ADAMTSL1: variants seen among roughly 807,000 people sequenced by gnomAD.
ADAMTSL1 encodes ADAMTS like 1.
In ADAMTSL1, 126 loss-of-function variants were observed where a neutral mutation model predicts 201.8. That is an observed-to-expected ratio of 0.62 (90% confidence interval 0.54 to 0.72). The LOEUF is 0.72. ADAMTSL1 is among the 30% of genes least tolerant of loss of function. The probability of loss-of-function intolerance (pLI) is 0.00; values close to 1 mark genes in which losing one functional copy is unlikely to be tolerated. For missense variants in ADAMTSL1, 2,679 were observed against 2,277.8 expected, an observed-to-expected ratio of 1.18 and a Z score of -3.59; for synonymous variants, 1,121 against 903.4, an observed-to-expected ratio of 1.24 and a Z score of -4.32.
At chr9:18,313,297 G>A (rs929254658) in intron 2 of ADAMTSL1, among the ~76,000 whole-genome samples, 1 of 152,202 alleles carries the variant, frequency 6.6e-6, no homozygotes. Flanking sequence ...TTCAGGGGAA[G>A]AGTCCTTAGG....
intron 13 of ADAMTSL1, among the ~76,000 whole-genome samples, chr9:18,686,675 G>A (rs569107140): frequency 2.7e-4 from 41 of 152,254 alleles, no homozygotes; most frequent in African/African-American, 8.7e-4. Context: ...GGACTAAAGC[G>A]TAATCCTATG....
At chr9:18,048,157 G>A (rs1358425656) in intron 1 of ADAMTSL1, among the ~76,000 whole-genome samples, 1 of 152,142 alleles carries the variant, frequency 6.6e-6, no homozygotes, top group Non-Finnish European at 1.5e-5. Flanking sequence ...ATTGTGTCAT[G>A]GTATGTACTA....
intron 1 of ADAMTSL1, among the ~76,000 whole-genome samples, chr9:17,926,205 C>G (rs888113918): frequency 1.3e-5 from 2 of 152,274 alleles, no homozygotes; most frequent in African/African-American, 4.8e-5. Context: ...TTTCAGACAT[C>G]ACCTGCAGAG....
intron 1 of ADAMTSL1, among the ~76,000 whole-genome samples, chr9:18,147,232 T>G (rs1826684404): frequency 1.3e-5 from 2 of 152,140 alleles, no homozygotes; most frequent in African/African-American, 4.8e-5. Context: ...TGATTCTAGC[T>G]ATAGAAAACC....
intron 23 of ADAMTSL1, among the ~76,000 whole-genome samples, chr9:18,848,072 T>C (rs1296373154): frequency 1.3e-5 from 2 of 152,218 alleles, no homozygotes; most frequent in African/African-American, 4.8e-5. Context: ...CAAGCCGATA[T>C]TGCTGATTTA....
At chr9:18,290,367 C>G (rs1261255303) in intron 2 of ADAMTSL1, among the ~76,000 whole-genome samples, 1 of 151,288 alleles carries the variant, frequency 6.6e-6, no homozygotes, top group South Asian at 2.1e-4. Context: ...AGTGAGGAGA[C>G]GTGTATTCCC....
intron 2 of ADAMTSL1, among the ~76,000 whole-genome samples, chr9:18,368,803 A>G (rs958302721): frequency 1.3e-5 from 2 of 152,192 alleles, no homozygotes; most frequent in Non-Finnish European, 2.9e-5. Context: ...TTTACTGCAG[A>G]TATGTAAAAA....
Position 18,504,974 on chromosome 9 carries a change from T to C in ADAMTSL1, c.191+18T>C. 6.3e-7 allele frequency: 1 copy of C among 1,593,784 alleles called. No homozygotes were observed. The highest frequency in any genetic ancestry group is 8.5e-7 in the Non-Finnish European group (1 of 1,175,986). The stretch of plus-strand genomic sequence containing the variant: ...AGCAGCAAGTAAGTCCTGCACCCGT[T>C]GGGGGTCTTTGTGAGAACCAGAGGT... On this transcript the variant is annotated intron_variant, in intron 2 of 28. Transcript: ENST00000380548.
At chr9:18,591,309 C>A (rs1823899312) in intron 4 of ADAMTSL1, among the ~76,000 whole-genome samples, 1 of 152,004 alleles carries the variant, frequency 6.6e-6, no homozygotes, top group African/African-American at 2.4e-5. Context: ...GACTTAAAGT[C>A]TCTTTTATAT....
chr9:18,498,174 A>G (rs1454061338), intron 1 of ADAMTSL1, among the ~76,000 whole-genome samples: 1 of 152,098 alleles, frequency 6.6e-6, no homozygotes, highest in African/African-American at 2.4e-5. Context: ...TTTACTAGAT[A>G]TTAACTATGT....
At chr9:18,534,684 G>A (rs1055326265) in intron 3 of ADAMTSL1, among the ~76,000 whole-genome samples, 2 of 152,186 alleles carry the variant, frequency 1.3e-5, no homozygotes, top group Admixed American at 6.5e-5. Context: ...GGACATCCAG[G>A]CATTTTCATA....
At chr9:18,591,755 G>A (rs1016628753) in intron 4 of ADAMTSL1, among the ~76,000 whole-genome samples, 9 of 152,058 alleles carry the variant, frequency 5.9e-5, no homozygotes, top group Non-Finnish European at 1.0e-4. Flanking sequence ...GTACATTTTG[G>A]CCAATGAGAA....
chr9:18,833,852 A>C (rs902465683), intron 23 of ADAMTSL1, among the ~76,000 whole-genome samples: 2 of 152,072 alleles, frequency 1.3e-5, no homozygotes, highest in Non-Finnish European at 2.9e-5. Flanking sequence ...ATCCATCTTG[A>C]GTTAATTTTT....
At chr9:18,415,224 G>A (rs534948319) in intron 2 of ADAMTSL1, among the ~76,000 whole-genome samples, 4 of 152,212 alleles carry the variant, frequency 2.6e-5, no homozygotes, top group South Asian at 2.1e-4. Flanking sequence ...TAAAAAAGGA[G>A]CAAAATCAAC....
At chr9:18,563,462 G>A (rs943889981) in intron 3 of ADAMTSL1, among the ~76,000 whole-genome samples, 1 of 152,206 alleles carries the variant, frequency 6.6e-6, no homozygotes, top group Non-Finnish European at 1.5e-5. Flanking sequence ...CTGCTGGAAG[G>A]TGTCTCTCAG....
Position 18,826,423 on chromosome 9 carries a change from T to C in ADAMTSL1, c.4074T>C (p.Leu1358=). The change falls in exon 22 of 29, where the codon CTT becomes CTC. Residue 1358 remains leucine, a synonymous_variant. Transcript: ENST00000380548. ...TGTACTCCTGCAGGGCGGCCAATCT[T>C]CATGGAGAGCTGACTGAGAGCACCC... ...QGLYSCRAAN[L]HGELTESTQL... The C allele has an allele frequency of 6.2e-7, 1 of 1,613,858 alleles. No individual in the cohort carries two copies. Among genetic ancestry groups the C allele is most frequent in the Non-Finnish European group, 8.5e-7 (1 of 1,179,844 alleles).
chr9:18,508,494 G>T (rs1250529020), intron 2 of ADAMTSL1, among the ~76,000 whole-genome samples: 1 of 152,128 alleles, frequency 6.6e-6, no homozygotes, highest in Non-Finnish European at 1.5e-5. Context: ...AAGTGTAGTT[G>T]TCTTCATTAT....
At position 18,908,784 on chromosome 9, in the gene ADAMTSL1, T is replaced by C; in HGVS notation, c.*236T>C. 2 of 440,652 alleles carry C rather than the reference T, an allele frequency of 4.5e-6. No homozygotes were observed. The highest frequency in any genetic ancestry group is 6.3e-4 in the Middle Eastern group (1 of 1,584). The allele number at this position is 440,652 out of a possible 1,614,324, so 27.3% of individuals were successfully genotyped here. ...GGAAAGGACAGATGTCTAAAGGAGG[T>C]TGCAGAGCAGGCCAGGCAGACAGTG... is the stretch of plus-strand genomic sequence containing the variant. On this transcript the variant is annotated 3_prime_UTR_variant, in exon 29 of 29. Transcript: ENST00000380548.
intron 4 of ADAMTSL1, 36 bp downstream of exon 4, chr9:18,574,302 AG>A (rs1822560563): frequency 1.3e-6 from 2 of 1,563,916 alleles, no homozygotes; most frequent in African/African-American, 1.4e-5. Flanking sequence ...ACTTGTCCAG[AG>A]GGTTTCAATG....
Sources: allele counts gnomAD v4.1 joint callset (sites outside exome capture counted in the v4.1 genomes callset), GRCh38; gene constraint gnomAD v4.1.1; transcripts MANE v1.5; gene names NCBI Gene and HGNC (gene_info 2026-07-23, HGNC 2026-07-21).